Variants in GLB1 observed in about 807,000 individuals in gnomAD.
GLB1 encodes the protein beta-galactosidase.
A neutral mutation model predicts 74.0 loss-of-function variants in GLB1; 56 were observed. That is an observed-to-expected ratio of 0.76 (90% CI 0.61 to 0.94). GLB1 has a LOEUF of 0.94. Among genes scored for constraint, GLB1 ranks in the 40% least tolerant of loss-of-function variants. The pLI, the probability that GLB1 is intolerant of heterozygous loss-of-function variation, is 0.00. For synonymous variants in GLB1, 323 were observed against 323.6 expected (o/e 1.00, Z 0.02); for missense variants, 787 against 845.5 (o/e 0.93, Z 0.86).
At chr3:33,033,148 T>A (rs1326277253) in intron 10 of GLB1, among the ~76,000 whole-genome samples, 1 of 152,190 alleles carries the variant, frequency 6.6e-6, no homozygotes, top group Non-Finnish European at 1.5e-5. Context: ...AGCATCATAG[T>A]GCAATACAAT....
At chr3:33,068,701 G>A in intron 3 of GLB1, 119 bp downstream of exon 3, 2 of 1,573,480 alleles carry the variant, frequency 1.3e-6, no homozygotes, top group Non-Finnish European at 1.7e-6. Context: ...CACCTGTGCT[G>A]GGTACAGTCC....
intron 1 of GLB1, chr3:33,091,089 G>A: frequency 1.0e-6 from 1 of 985,328 alleles, no homozygotes; most frequent in Non-Finnish European, 1.2e-6. Context: ...TAGCCCACCT[G>A]GTGAAATCCA....
At chr3:33,006,829 G>A (rs1696807629) in intron 15 of GLB1, among the ~76,000 whole-genome samples, 1 of 152,166 alleles carries the variant, frequency 6.6e-6, no homozygotes, top group African/African-American at 2.4e-5. Flanking sequence ...AGAGTCCTGT[G>A]CCAGGGCCTT....
intron 15 of GLB1, among the ~76,000 whole-genome samples, chr3:33,011,441 A>G (rs1013804831): frequency 2.4e-5 from 3 of 125,678 alleles, no homozygotes; most frequent in Non-Finnish European, 3.3e-5. Context: ...CCCGTCTCCA[A>G]TAAAAATAAA....
Position 33,016,725 on chromosome 3 carries a change from T to G in GLB1, c.1463A>C (p.Tyr488Ser). ...ENMGRVNYGA[Y>S]INDFKGLVSN... is the part of the protein sequence containing the mutation. Reference sequence around the variant, plus strand: ...TTGTCCTACCTTAAAATCGTTGATATATGCACCATAGTTCACACGTCCCAT... The same window carrying G: ...TTGTCCTACCTTAAAATCGTTGATAGATGCACCATAGTTCACACGTCCCAT... The change falls in exon 14 of 16, where the codon TAT becomes TCT. Residue 488 changes from tyrosine to serine, a missense_variant. Tyr to Ser is a moderately radical substitution (Grantham distance 144). Transcript: ENST00000307363. 1 of 1,614,026 alleles carries G rather than the reference T, an allele frequency of 6.2e-7. No individual in the cohort carries two copies. Among genetic ancestry groups the G allele is most frequent in the South Asian group, 1.1e-5 (1 of 91,076 alleles).
At chr3:33,081,610 T>C (rs1700326491) in intron 1 of GLB1, among the ~76,000 whole-genome samples, 1 of 152,192 alleles carries the variant, frequency 6.6e-6, no homozygotes, top group Non-Finnish European at 1.5e-5. Flanking sequence ...GCCCCCCCAG[T>C]GGGGCCATCC....
the GLB1 span, among the ~76,000 whole-genome samples, chr3:32,972,419 A>G: frequency 3.3e-5 from 5 of 152,172 alleles, no homozygotes; most frequent in Admixed American, 1.3e-4. Context: ...AAGTTAGCCC[A>G]TGTTCCAGTT....
chr3:32,973,261 T>C, the GLB1 span, among the ~76,000 whole-genome samples: 1 of 152,176 alleles, frequency 6.6e-6, no homozygotes, highest in Admixed American at 6.5e-5. Flanking sequence ...CTCTGGATGA[T>C]GGAAATTCTC....
At chr3:33,052,064 T>C (rs1431831284) in intron 7 of GLB1, 60 bp from the exon 8 acceptor site, 1 of 1,604,190 alleles carries the variant, frequency 6.2e-7, no homozygotes, top group Non-Finnish European at 8.5e-7. Flanking sequence ...ATGCCAGGGC[T>C]TCCCTGCAAT....
At chr3:32,976,482 C>T in the GLB1 span, among the ~76,000 whole-genome samples, 97 of 152,212 alleles carry the variant, frequency 6.4e-4, no homozygotes, top group Non-Finnish European at 7.3e-4. Flanking sequence ...ATCTTGCTTC[C>T]TCCCCAAGCT....
In GLB1 at chr3:33,094,319, A is replaced by C. The variant is rs555991851; in HGVS notation, c.75+2692T>G. The C allele has an allele frequency of 1.2e-4, 170 of 1,474,628 alleles. No individual in the cohort carries two copies. The African/African-American group carries it at 2.3e-3, about 20-fold the overall frequency. 91.3% of individuals were successfully genotyped at this position (1,474,628 alleles called of 1,614,324 possible). ...TCAACTCCGCCTGCAACCAGGAACC[A>C]GCATCAGCTTTGTGGGATATTAGAG... On this transcript the variant is annotated intron_variant, in intron 1 of 15. Transcript: ENST00000307363.
chr3:33,034,014 C>G, intron 10 of GLB1: 1 of 545,858 alleles, frequency 1.8e-6, no homozygotes, highest in South Asian at 1.5e-5. Context: ...ATCCTCATTG[C>G]CAACCTCAGA....
intron 1 of GLB1, among the ~76,000 whole-genome samples, chr3:33,084,273 C>T (rs142150430): frequency 7.2e-5 from 11 of 152,260 alleles, no homozygotes; most frequent in South Asian, 6.2e-4. Flanking sequence ...TTGCATAACA[C>T]GGGCTTCTGA....
chr3:33,001,184 T>TCCTTCTTCTCTTCTCCTCCTTCC (rs1484329973), intron 15 of GLB1, among the ~76,000 whole-genome samples: 3 of 151,892 alleles, frequency 2.0e-5, no homozygotes, highest in Non-Finnish European at 4.4e-5. Context: ...CTTCTCCTTC[T>TCCTTCTTCTCTTCTCCTCCTTCC]CCTTCTTCTC....
intron 1 of GLB1, among the ~76,000 whole-genome samples, chr3:33,095,395 G>A (rs908392529): frequency 2.6e-5 from 4 of 151,852 alleles, no homozygotes; most frequent in African/African-American, 7.3e-5. Flanking sequence ...GTGTGATGGC[G>A]GGCGCCTGTA....
At position 33,059,250 on chromosome 3, in the gene GLB1, C is replaced by T. The variant is rs946869279; in HGVS notation, c.553-981G>A. Among the ~76,000 whole-genome samples the T allele has an allele frequency of 2.8e-3, 124 of 44,110 alleles. No individual in the cohort carries two copies. In the East Asian group the frequency reaches 0.048, roughly 17 times the overall value. 28.9% of individuals were successfully genotyped at this position (44,110 alleles called of 152,430 possible). A position where few individuals can be genotyped will look rare whatever the true frequency, so the allele number is the denominator to read the frequency against. On this transcript the variant is annotated intron_variant, in intron 5 of 15. Coordinates refer to ENST00000307363, the MANE Select transcript of GLB1 (RefSeq NM_000404.4). The stretch of plus-strand genomic sequence containing the variant: ...TCCTTATTTATATAAAACATACACA[C>T]ACACACACACACACACACACACACA...
chr3:33,093,187 T>C lies in GLB1; in HGVS notation c.75+3824A>G. 1 of 1,614,052 alleles carries C rather than the reference T, an allele frequency of 6.2e-7. No individual in the cohort carries two copies. Among genetic ancestry groups the C allele is most frequent in the Non-Finnish European group, 8.5e-7 (1 of 1,179,986 alleles). ...GAGTAGTGCAGGATGTCTGCTTCAATATCGTCCACCCCAGCCAAGCAGATC... is the reference window on the plus strand; with the variant it reads ...GAGTAGTGCAGGATGTCTGCTTCAACATCGTCCACCCCAGCCAAGCAGATC... On this transcript the variant is annotated intron_variant, in intron 1 of 15. Transcript: ENST00000307363. This position sits in a 1 kb window ranked among gnomAD's most constrained non-coding sequence, Gnocchi z 6.0.
intron 9 of GLB1, 73 bp downstream of exon 9, chr3:33,051,685 G>T: frequency 6.8e-6 from 11 of 1,607,972 alleles, no homozygotes; most frequent in Non-Finnish European, 9.4e-6. Context: ...ATTGTCTGTG[G>T]GCACACCCCT....
chr3:32,977,024 G>C, the GLB1 span, among the ~76,000 whole-genome samples: 1 of 152,096 alleles, frequency 6.6e-6, no homozygotes, highest in African/African-American at 2.4e-5. Context: ...AAATTCAAGG[G>C]ACTCTGTTTC....
Sources: gnomAD v4.1 joint callset for allele counts (sites outside exome capture counted in the v4.1 genomes callset) on GRCh38, gnomAD v4.1.1 for gene constraint, Gnocchi (gnomAD v3.1) non-coding constraint, MANE v1.5 for transcripts, NCBI Gene and HGNC (gene_info 2026-07-23, HGNC 2026-07-21) for gene names.